Variants in SUPT6H observed in about 807,000 individuals in gnomAD.
SUPT6H encodes SPT6 homolog, histone chaperone and transcription elongation factor, also known as transcription elongation factor SPT6.
SUPT6H carries 11 observed loss-of-function variants against 222.3 expected under a neutral mutation model. The ratio of observed to expected loss-of-function variants is 0.05; its 90% CI spans 0.03 to 0.08. SUPT6H has a LOEUF of 0.08. SUPT6H is among the 10% of genes least tolerant of loss of function. The pLI is 1.00. For synonymous variants in SUPT6H, 762 were observed against 801.2 expected (o/e 0.95, Z 0.83); for missense variants, 1,422 against 2,216.0 (o/e 0.64, Z 7.19).
intron 1 of SUPT6H, among the ~76,000 whole-genome samples, chr17:28,663,576 G>T (rs1481862902): frequency 2.0e-5 from 3 of 152,080 alleles, no homozygotes; most frequent in Admixed American, 1.3e-4. Context: ...ACTACCATCA[G>T]TCCTGCCTGT....
In SUPT6H at chr17:28,688,972, T is replaced by A. The variant is rs2031520047; in HGVS notation, c.3135-382T>A. On this transcript the variant is annotated intron_variant, in intron 24 of 36. Coordinates refer to ENST00000314616, the MANE Select transcript of SUPT6H (RefSeq NM_003170.5). The surrounding 1 kb of genome is among the most constrained non-coding windows in gnomAD (Gnocchi z 4.3). The stretch of plus-strand genomic sequence containing the variant: ...CTCATATAAGTTCATCATATAAAAT[T>A]CAACATATAGAAATATTATGCAGAA... 1 of 185,138 alleles carries A rather than the reference T, an allele frequency of 5.4e-6. No individual in the cohort carries two copies. The highest frequency in any genetic ancestry group is 1.1e-5 in the Non-Finnish European group (1 of 88,144). 11.5% of individuals were successfully genotyped at this position (185,138 alleles called of 1,614,324 possible).
At chr17:28,696,742 C>G in intron 29 of SUPT6H, 102 bp from the exon 30 acceptor site, 1 of 1,102,794 alleles carries the variant, frequency 9.1e-7, no homozygotes, top group South Asian at 1.4e-5. Context: ...GACAGAGCAC[C>G]CCAACTCAAT....
intron 32 of SUPT6H, 82 bp downstream of exon 32, chr17:28,698,112 T>G (rs561132157): frequency 4.7e-6 from 7 of 1,495,504 alleles, no homozygotes; most frequent in Non-Finnish European, 6.2e-6. Context: ...AGCAGTGCCC[T>G]CTCTGGCTCT....
chr17:28,681,449 T>G (rs777498987), intron 12 of SUPT6H, 45 bp downstream of exon 12: 1 of 1,548,572 alleles, frequency 6.5e-7, no homozygotes, highest in Middle Eastern at 2.3e-4. Context: ...TGGCCATGCA[T>G]GATGGCTCAC....
intron 7 of SUPT6H, 103 bp from the exon 8 acceptor site, chr17:28,677,612 A>G: frequency 1.3e-6 from 1 of 797,706 alleles, no homozygotes; most frequent in Non-Finnish European, 2.1e-6. Context: ...CAATACTGGA[A>G]ATGTGCACTT....
Position 28,683,832 on chromosome 17 carries a change from CATG to C in SUPT6H, c.2229+19_2229+21del. On this transcript the variant is annotated intron_variant, in intron 17 of 36. Transcript: ENST00000314616. ...TGTCATAAAGGTGAGGACAGAGACTCATGATTTTTTTTTTTTTTTTGGTGACAG... is the reference window on the plus strand; with the variant it reads ...TGTCATAAAGGTGAGGACAGAGACTCATTTTTTTTTTTTTTTTGGTGACAG... 1 of 1,523,920 alleles carries C rather than the reference CATG, an allele frequency of 6.6e-7. No homozygotes were observed. The highest frequency in any genetic ancestry group is 8.9e-7 in the Non-Finnish European group (1 of 1,126,216). The allele number at this position is 1,523,920 out of a possible 1,614,324, so 94.4% of individuals were successfully genotyped here. A position where few individuals can be genotyped will look rare whatever the true frequency, so the allele number is the denominator to read the frequency against.
rs750365722 is a variant in SUPT6H at position 28,682,891 on chromosome 17, G to C, written c.1727+35G>C. Reference sequence around the variant, plus strand: ...CAGCAGGTGGCTGACAGGAGGAGGGGCCTGAGGACCACAACACCCTGGTCC... The same window carrying C: ...CAGCAGGTGGCTGACAGGAGGAGGGCCCTGAGGACCACAACACCCTGGTCC... On this transcript the variant is annotated intron_variant, in intron 14 of 36. Transcript: ENST00000314616. 1.8e-5 allele frequency: 29 copies of C among 1,613,882 alleles called. 2 individuals are homozygous for C. In the South Asian group the frequency reaches 3.2e-4, roughly 18 times the overall value.
At chr17:28,693,093 C>CT (rs1230868298) in intron 27 of SUPT6H, among the ~76,000 whole-genome samples, 1 of 152,070 alleles carries the variant, frequency 6.6e-6, no homozygotes, top group Non-Finnish European at 1.5e-5. Flanking sequence ...TCACTCGAGC[C>CT]TGGGAGGTTG....
At position 28,684,735 on chromosome 17, in the gene SUPT6H, T is replaced by A; in HGVS notation, c.2369+10T>A. The A allele has an allele frequency of 6.2e-7, 1 of 1,614,160 alleles. No individual in the cohort carries two copies. The highest frequency in any genetic ancestry group is 8.5e-7 in the Non-Finnish European group (1 of 1,179,968). ...CTTTCTCCTCTGCCAGGTAACAGCC[T>A]ATTTTTGCCTCCCCAGCACCATCTC... On this transcript the variant is annotated intron_variant, in intron 18 of 36. Coordinates refer to ENST00000314616, the MANE Select transcript of SUPT6H (RefSeq NM_003170.5).
In SUPT6H at chr17:28,699,806, G is replaced by A; in HGVS notation, c.4474G>A (p.Glu1492Lys). The A allele has an allele frequency of 6.2e-7, 1 of 1,614,216 alleles. No individual in the cohort carries two copies. The highest frequency in any genetic ancestry group is 8.5e-7 in the Non-Finnish European group (1 of 1,180,024). ...PRIEYVTVTP[E>K]GFRYRGQIFP... ...GATAGAATATGTAACGGTGACTCCA[G>A]AGGGATTCCGGTACCGGGGCCAGAT... is the stretch of plus-strand genomic sequence containing the variant. The change falls in exon 33 of 37, where the codon GAG (glutamate) becomes AAG (lysine). Residue 1492 changes from glutamate (E) to lysine (K), a missense_variant. Around this residue, in one of 13 missense-constraint regions of SUPT6H, gnomAD observed 395 missense variants for 580.6 expected, o/e 0.68. Transcript: ENST00000314616.
rs2032170486 is a variant in SUPT6H, at chr17:28,702,430, C to T, written c.*805C>T. The stretch of plus-strand genomic sequence containing the variant: ...ACTTCCCAGCCGGGTGACCCTGTGC[C>T]AGTTCCTGCTGCCTTTCAGCTGGCT... On this transcript the variant is annotated 3_prime_UTR_variant, in exon 37 of 37. Coordinates refer to ENST00000314616, the MANE Select transcript of SUPT6H (RefSeq NM_003170.5). 1 of 152,554 alleles carries T rather than the reference C, an allele frequency of 6.6e-6. No homozygotes were observed. Among genetic ancestry groups the T allele is most frequent in the African/African-American group, 2.4e-5 (1 of 41,458 alleles). 9.5% of individuals were successfully genotyped at this position (152,554 alleles called of 1,614,324 possible).
chr17:28,691,107 G>A (rs751050991), intron 27 of SUPT6H, 44 bp downstream of exon 27: 2 of 1,589,202 alleles, frequency 1.3e-6, no homozygotes, highest in African/African-American at 1.3e-5. Context: ...TTCCTTGGTT[G>A]AATGATCTCG....
chr17:28,696,810 C>T, intron 29 of SUPT6H, 34 bp from the exon 30 acceptor site: 1 of 1,597,074 alleles, frequency 6.3e-7, no homozygotes. Context: ...CTAGCCCCAT[C>T]ACCCAGTCTG....
chr17:28,680,792 C>T (rs989860014), intron 11 of SUPT6H, among the ~76,000 whole-genome samples: 13 of 152,070 alleles, frequency 8.5e-5, no homozygotes, highest in African/African-American at 2.9e-4. Flanking sequence ...GGACTACAGG[C>T]ACCTGCCACT....
At position 28,677,796 on chromosome 17, in the gene SUPT6H, A is replaced by G. The variant is rs376418237; in HGVS notation, c.979A>G (p.Thr327Ala). The G allele has an allele frequency of 1.2e-6, 2 of 1,614,192 alleles. No individual in the cohort carries two copies. The highest frequency in any genetic ancestry group is 1.7e-6 in the Non-Finnish European group (2 of 1,179,996). Residue 327 changes from threonine to alanine, a missense_variant, in exon 8 of 37, where the codon ACA (threonine) becomes GCA (alanine). Around this residue, in one of 13 missense-constraint regions of SUPT6H, gnomAD observed 389 missense variants for 544.6 expected, o/e 0.71. Coordinates refer to ENST00000314616, the MANE Select transcript of SUPT6H (RefSeq NM_003170.5). ...ADWIYRNAFA[T>A]PTISLQESCD... ...CTGGATCTACAGGAATGCTTTTGCC[A>G]CACCAACCATTTCTCTCCAGGTACA...
chr17:28,692,251 G>A (rs2031694271), intron 27 of SUPT6H, among the ~76,000 whole-genome samples: 1 of 150,158 alleles, frequency 6.7e-6, no homozygotes, highest in Admixed American at 6.6e-5. Flanking sequence ...GTGAACCCGG[G>A]AGGCGGAGCC....
intron 11 of SUPT6H, among the ~76,000 whole-genome samples, chr17:28,679,728 A>G (rs2030983137): frequency 6.6e-6 from 1 of 151,624 alleles, no homozygotes; most frequent in Non-Finnish European, 1.5e-5. Flanking sequence ...ACGGTGGCTA[A>G]CGCTTGTAAT....
chr17:28,673,464 G>A lies in SUPT6H; in HGVS notation c.63G>A (p.Glu21=), dbSNP rs747778308. Reference sequence around the variant, plus strand: ...AGGAAGAATACAATGATGAAGGCGAGGTGGTACCCCGAGTCACCAAGAAAT... The same window carrying A: ...AGGAAGAATACAATGATGAAGGCGAAGTGGTACCCCGAGTCACCAAGAAAT... ...ESEEEYNDEG[E]VVPRVTKKFV... is the part of the protein sequence containing the mutation. The change falls in exon 2 of 37, where the codon GAG becomes GAA. Residue 21 remains glutamate (E), a synonymous_variant. Transcript: ENST00000314616. 2.5e-6 allele frequency: 4 copies of A among 1,613,806 alleles called. No individual in the cohort carries two copies. Among genetic ancestry groups the A allele is most frequent in the South Asian group, 1.1e-5 (1 of 91,058 alleles).
chr17:28,685,047 C>T, intron 19 of SUPT6H, 86 bp downstream of exon 19: 2 of 1,268,724 alleles, frequency 1.6e-6, no homozygotes, highest in Non-Finnish European at 2.2e-6. Context: ...GTCTAAGCAA[C>T]ATCCTATGCA....
Sources: allele counts gnomAD v4.1 joint callset (sites outside exome capture counted in the v4.1 genomes callset), GRCh38; gene constraint gnomAD v4.1.1; regional missense constraint gnomAD v4.1.1; non-coding constraint Gnocchi (gnomAD v3.1); transcripts MANE v1.5; gene names NCBI Gene and HGNC (gene_info 2026-07-23, HGNC 2026-07-21).